PRSS48: variants seen among roughly 807,000 people sequenced by gnomAD.
PRSS48 encodes the protein serine protease 48.
PRSS48 carries 21 observed loss-of-function variants against 25.6 expected under a neutral mutation model. That is an observed-to-expected ratio of 0.82 (90% confidence interval 0.58 to 1.18). The LOEUF is 1.18. PRSS48 is among the 50% of genes most tolerant of loss of function. PRSS48 has a pLI of 0.00. For synonymous variants in PRSS48, 150 were observed against 149.3 expected, an observed-to-expected ratio of 1.00 and a Z score of -0.04; for missense variants, 373 against 399.3, an observed-to-expected ratio of 0.93 and a Z score of 0.56.
At chr4:151,278,124 C>T (rs1269866404) in intron 1 of PRSS48, among the ~76,000 whole-genome samples, 2 of 152,134 alleles carry the variant, frequency 1.3e-5, no homozygotes, top group African/African-American at 4.8e-5. Flanking sequence ...CTGCAAAATG[C>T]CAATTCAGTT....
At chr4:151,287,348 A>G (rs1774903575) in intron 4 of PRSS48, among the ~76,000 whole-genome samples, 1 of 151,128 alleles carries the variant, frequency 6.6e-6, no homozygotes, top group South Asian at 2.1e-4. Flanking sequence ...CTCCAAAAAA[A>G]AAAAAAAAAA....
chr4:151,278,873 T>C (rs1773904669), intron 1 of PRSS48, among the ~76,000 whole-genome samples: 1 of 152,204 alleles, frequency 6.6e-6, no homozygotes, highest in Non-Finnish European at 1.5e-5. Context: ...ACTTGAGCAA[T>C]CCACCCACCT....
chr4:151,285,042 T>C (rs1273251240), intron 4 of PRSS48, among the ~76,000 whole-genome samples: 1 of 152,106 alleles, frequency 6.6e-6, no homozygotes, highest in Non-Finnish European at 1.5e-5. Flanking sequence ...GGGTTTCTTT[T>C]ACCAGCCACT....
chr4:151,279,516 A>C (rs1338934805), intron 1 of PRSS48, among the ~76,000 whole-genome samples: 1 of 152,222 alleles, frequency 6.6e-6, no homozygotes, highest in Non-Finnish European at 1.5e-5. Flanking sequence ...TGTTCAGTGA[A>C]TCTAGATATT....
chr4:151,288,577 T>C (rs924727825), intron 4 of PRSS48, among the ~76,000 whole-genome samples: 1 of 151,812 alleles, frequency 6.6e-6, no homozygotes, highest in Non-Finnish European at 1.5e-5. Flanking sequence ...TGAAACCTCG[T>C]CTCTACTAAA....
chr4:151,290,692 G>A (rs1775235623), intron 4 of PRSS48, among the ~76,000 whole-genome samples: 1 of 152,030 alleles, frequency 6.6e-6, no homozygotes, highest in Non-Finnish European at 1.5e-5. Context: ...CAGTAAAGCT[G>A]TTACAAAAAA....
intron 4 of PRSS48, among the ~76,000 whole-genome samples, chr4:151,290,563 T>C (rs935104398): frequency 4.6e-5 from 7 of 152,118 alleles, no homozygotes; most frequent in African/African-American, 1.4e-4. Context: ...TAATTACAAA[T>C]GGGTATGAGG....
chr4:151,281,050 G>C (rs542848908), intron 2 of PRSS48, among the ~76,000 whole-genome samples: 2 of 152,202 alleles, frequency 1.3e-5, no homozygotes, highest in South Asian at 4.2e-4. Context: ...CCAGACAAAA[G>C]GGGAATAAAA....
chr4:151,288,656 G>A (rs113859181), intron 4 of PRSS48, among the ~76,000 whole-genome samples: 4 of 151,568 alleles, frequency 2.6e-5, no homozygotes, highest in African/African-American at 7.3e-5. Context: ...GCGGGGCAAC[G>A]AAGCGAGACT....
chr4:151,285,905 A>T (rs905730018), intron 4 of PRSS48, among the ~76,000 whole-genome samples: 1 of 151,508 alleles, frequency 6.6e-6, no homozygotes, highest in South Asian at 2.1e-4. Context: ...AAATAAAACT[A>T]AAAAAAAGGC....
At chr4:151,288,732 C>A (rs924688769) in intron 4 of PRSS48, among the ~76,000 whole-genome samples, 1 of 151,290 alleles carries the variant, frequency 6.6e-6, no homozygotes, top group Admixed American at 6.6e-5. Context: ...AATGAATAAT[C>A]TAAGGAAACA....
exon 3 of PRSS48, chr4:151,282,171 C>G (rs370412647): frequency 6.2e-7 from 1 of 1,613,906 alleles, no homozygotes; most frequent in South Asian, 1.1e-5. Flanking sequence ...TTTTCATATA[C>G]TGTGTGGCTA....
chr4:151,288,997 C>A (rs1036899395), intron 4 of PRSS48, among the ~76,000 whole-genome samples: 1 of 152,146 alleles, frequency 6.6e-6, no homozygotes, highest in Non-Finnish European at 1.5e-5. Flanking sequence ...TCAAAACTAA[C>A]AGTAATCAAG....
chr4:151,279,624 C>T (rs1355763734), intron 1 of PRSS48, among the ~76,000 whole-genome samples, 172 bp from the exon 2 acceptor site: 1 of 152,154 alleles, frequency 6.6e-6, no homozygotes, highest in African/African-American at 2.4e-5. Flanking sequence ...GGGGAGTGGT[C>T]TCCATTTTGA....
At chr4:151,277,281 C>A in intron 1 of PRSS48, 57 bp downstream of exon 1, 3 of 1,357,956 alleles carry the variant, frequency 2.2e-6, no homozygotes, top group Non-Finnish European at 3.0e-6. Flanking sequence ...CTAAAGAGGG[C>A]ATCACATAGA....
At chr4:151,287,557 T>A (rs903455458) in intron 4 of PRSS48, among the ~76,000 whole-genome samples, 2 of 152,134 alleles carry the variant, frequency 1.3e-5, no homozygotes, top group African/African-American at 4.8e-5. Context: ...GAAGTCAAGT[T>A]GGCTGACCTC....
exon 2 of PRSS48, chr4:151,279,910 C>T (rs1247270384): frequency 1.2e-6 from 2 of 1,613,694 alleles, no homozygotes; most frequent in Non-Finnish European, 1.7e-6. Context: ...TGTGGAGGTT[C>T]CCTCGTCAGT....
chr4:151,277,240 G>T lies in PRSS48; in HGVS notation c.52+16G>T. 2 of 1,491,112 alleles carry T rather than the reference G, an allele frequency of 1.3e-6. No homozygotes were observed. Among genetic ancestry groups the T allele is most frequent in the East Asian group, 2.5e-5 (1 of 40,274 alleles). The allele number at this position is 1,491,112 out of a possible 1,614,324, so 92.4% of individuals were successfully genotyped here. The stretch of plus-strand genomic sequence containing the variant: ...GGGATCTCAGGTGAGCGCCAGGGTG[G>T]GGTTGAGAAGGCAGAGGCAGAGGAT... On this transcript the variant is annotated intron_variant, in intron 1 of 4. Transcript: ENST00000455694.
intron 1 of PRSS48, among the ~76,000 whole-genome samples, chr4:151,277,898 G>A (rs112779227): frequency 3.7e-4 from 56 of 152,094 alleles, no homozygotes; most frequent in Middle Eastern, 3.4e-3. Context: ...AAAATTAGCC[G>A]GGCGTGGTGG....
Sources: allele counts gnomAD v4.1 joint callset (sites outside exome capture counted in the v4.1 genomes callset), GRCh38; gene constraint gnomAD v4.1.1; transcripts MANE v1.5; gene names NCBI Gene and HGNC (gene_info 2026-07-23, HGNC 2026-07-21).